Variants in PPP2CB observed in about 807,000 individuals in gnomAD.
The protein encoded by PPP2CB is protein phosphatase 2 catalytic subunit beta.
PPP2CB carries 18 observed loss-of-function variants against 39.1 expected under a neutral mutation model. The ratio of observed to expected loss-of-function variants is 0.46; its 90% CI spans 0.32 to 0.68. PPP2CB has a LOEUF of 0.68. Among genes scored for constraint, PPP2CB ranks in the 30% least tolerant of loss-of-function variants. The probability of loss-of-function intolerance (pLI) is 0.04; values close to 1 mark genes in which losing one functional copy is unlikely to be tolerated. For synonymous variants in PPP2CB, 129 were observed against 133.8 expected (o/e 0.96, Z 0.25); for missense variants, 226 against 396.9 (o/e 0.57, Z 3.66).
chr8:30,788,731 A>G (rs1392580318), intron 6 of PPP2CB, among the ~76,000 whole-genome samples: 1 of 152,346 alleles, frequency 6.6e-6, no homozygotes, highest in Non-Finnish European at 1.5e-5. Flanking sequence ...GTATACAGTC[A>G]GTTTACAGTG....
Position 30,802,258 on chromosome 8 carries a change from G to C in PPP2CB, c.103-2503C>G, listed in dbSNP as rs148125653. On this transcript the variant is annotated intron_variant, in intron 1 of 6. Transcript: ENST00000221138. ...TTTATACCCTTCAGTTTCTTTTCCT[G>C]AGATCACAAATTAAACAATAATTTT... 4.0e-4 allele frequency among the ~76,000 whole-genome samples: 61 copies of C among 152,100 alleles called. 2 individuals are homozygous for C. The highest frequency in any genetic ancestry group is 1.4e-3 in the African/African-American group (60 of 41,490).
chr8:30,793,221 C>G (rs1361694966), intron 5 of PPP2CB: 3 of 152,116 alleles, frequency 2.0e-5, no homozygotes, highest in Admixed American at 2.0e-4. Flanking sequence ...CAGGCAAACC[C>G]CAACTGAGGG....
chr8:30,793,855 G>T, intron 5 of PPP2CB, 62 bp downstream of exon 5: 1 of 1,472,426 alleles, frequency 6.8e-7, no homozygotes, highest in Non-Finnish European at 9.1e-7. Flanking sequence ...AAGTCATAAT[G>T]CCTTATTACA....
chr8:30,801,535 GA>G (rs5890535), intron 1 of PPP2CB, among the ~76,000 whole-genome samples: 39,346 of 129,566 alleles, frequency 0.3, 7,729 homozygotes, highest in African/African-American at 0.58. Flanking sequence ...CTCAGTCACA[GA>G]AAAAAAAAAA....
At chr8:30,793,772 CCCTACTTGCTAAAA>C in intron 5 of PPP2CB, 131 bp downstream of exon 5, 1 of 891,736 alleles carries the variant, frequency 1.1e-6, no homozygotes, top group Non-Finnish European at 1.6e-6. Context: ...CTAGTGCTTT[CCCTACTTGCTAAAA>C]CCAGCAAGTT....
In PPP2CB at chr8:30,799,760, T is replaced by G; in HGVS notation, c.103-5A>C. 1 of 1,611,450 alleles carries G rather than the reference T, an allele frequency of 6.2e-7. No homozygotes were observed. On this transcript the variant is annotated splice_region_variant and splice_polypyrimidine_tract_variant and intron_variant, in intron 1 of 6. Transcript: ENST00000221138. ...TTTTGTTAAAATTTCCTTTGCCTGTTAGAAAAGTGAAATCAACAATTACAA... is the reference window on the plus strand; with the variant it reads ...TTTTGTTAAAATTTCCTTTGCCTGTGAGAAAAGTGAAATCAACAATTACAA...
chr8:30,793,884 A>C (rs775431544), intron 5 of PPP2CB, 33 bp downstream of exon 5: 1 of 1,583,784 alleles, frequency 6.3e-7, no homozygotes, highest in East Asian at 2.2e-5. Context: ...TACTAATCTG[A>C]AATAAAGATC....
At position 30,799,555 on chromosome 8, in the gene PPP2CB, T is replaced by C. The variant is rs539742321; in HGVS notation, c.303A>G (p.Val101=). 1.9e-6 allele frequency: 3 copies of C among 1,610,236 alleles called. No individual in the cohort carries two copies. The highest frequency in any genetic ancestry group is 2.2e-5 in the South Asian group (2 of 90,286). ...ATTTCAATAATCATACCTTTAATGC[T>C]ACAAGAAGAGTCACAGTCTCCACTG... ...YYSVETVTLL[V]ALKVRYPERI... Residue 101 remains valine, a synonymous_variant, in exon 2 of 7, where the codon GTA becomes GTG. Coordinates refer to ENST00000221138, the MANE Select transcript of PPP2CB (RefSeq NM_001009552.2).
intron 1 of PPP2CB, among the ~76,000 whole-genome samples, chr8:30,806,079 CCT>C (rs1236577679): frequency 4.7e-5 from 7 of 149,336 alleles, no homozygotes; most frequent in African/African-American, 1.7e-4. Flanking sequence ...ATGGAGTCTC[CCT>C]CTGTCACCCA....
chr8:30,798,052 TTCA>T (rs1267729863), intron 2 of PPP2CB, among the ~76,000 whole-genome samples: 1 of 152,210 alleles, frequency 6.6e-6, no homozygotes, highest in African/African-American at 2.4e-5. Context: ...TTCTATTATC[TTCA>T]TCATCAAATT....
At chr8:30,791,563 T>C in intron 5 of PPP2CB, 1 of 306,780 alleles carries the variant, frequency 3.3e-6, no homozygotes, top group Non-Finnish European at 5.9e-6. Flanking sequence ...GCTTGAAATC[T>C]TGGCAAGGAT....
intron 3 of PPP2CB, among the ~76,000 whole-genome samples, chr8:30,797,130 A>C (rs896685595): frequency 2.0e-5 from 3 of 152,162 alleles, no homozygotes; most frequent in African/African-American, 7.2e-5. Flanking sequence ...CACTGTGCCC[A>C]GCCAAGCATT....
chr8:30,798,660 A>G (rs965553123), intron 2 of PPP2CB, among the ~76,000 whole-genome samples: 6 of 152,226 alleles, frequency 3.9e-5, no homozygotes, highest in African/African-American at 1.4e-4. Context: ...TAAGTGACCC[A>G]TGACCATGTA....
In PPP2CB at chr8:30,794,298, A is replaced by G. The variant is rs199895932; in HGVS notation, c.487-17T>C. On this transcript the variant is annotated splice_polypyrimidine_tract_variant and intron_variant, in intron 3 of 6. Transcript: ENST00000221138. ...GCAGAATATCTATGTATGAATTAAC[A>G]AAAGAGAATGTATTTGTTTTACTAA... is the stretch of plus-strand genomic sequence containing the variant. 4.7e-5 allele frequency: 74 copies of G among 1,582,676 alleles called. No individual in the cohort carries two copies. Among genetic ancestry groups the G allele is most frequent in the Non-Finnish European group, 6.2e-5 (71 of 1,153,162 alleles).
In PPP2CB at chr8:30,791,208, T is replaced by C; in HGVS notation, c.846A>G (p.Leu282=). The change falls in exon 6 of 7, where the codon TTA becomes TTG. Residue 282 remains leucine (L), a synonymous_variant. Transcript: ENST00000221138. ...QAAIMELDDT[L]KYSFLQFDPA... Reference sequence around the variant, plus strand: ...TTACAGTTACTCACAAGGAATATTTTAAAGTGTCATCTAATTCCATGATAG... The same window carrying C: ...TTACAGTTACTCACAAGGAATATTTCAAAGTGTCATCTAATTCCATGATAG... 6.3e-7 allele frequency: 1 copy of C among 1,599,758 alleles called. No homozygotes were observed. Among genetic ancestry groups the C allele is most frequent in the South Asian group, 1.1e-5 (1 of 88,122 alleles).
At chr8:30,798,725 ATAAG>A (rs1291277808) in intron 2 of PPP2CB, among the ~76,000 whole-genome samples, 2 of 152,248 alleles carry the variant, frequency 1.3e-5, no homozygotes, top group African/African-American at 4.8e-5. Flanking sequence ...ATGTAAAATA[ATAAG>A]TAATAGAAGG....
chr8:30,804,047 C>A (rs1204814657), intron 1 of PPP2CB, among the ~76,000 whole-genome samples: 1 of 152,018 alleles, frequency 6.6e-6, no homozygotes, highest in Non-Finnish European at 1.5e-5. Context: ...GGTCTCAAAC[C>A]CCTGACCTCG....
intron 5 of PPP2CB, chr8:30,793,180 T>C (rs1244130038): frequency 6.6e-6 from 1 of 152,168 alleles, no homozygotes; most frequent in East Asian, 1.9e-4. Context: ...CAAAAATGCA[T>C]ACATTGAATC....
chr8:30,789,173 G>A (rs1407397142), intron 6 of PPP2CB, among the ~76,000 whole-genome samples: 4 of 152,046 alleles, frequency 2.6e-5, no homozygotes, highest in African/African-American at 9.6e-5. Flanking sequence ...TGGGATTACA[G>A]GCATGCGCCA....
Sources: gnomAD v4.1 joint callset for allele counts (sites outside exome capture counted in the v4.1 genomes callset) on GRCh38, gnomAD v4.1.1 for gene constraint, MANE v1.5 for transcripts, NCBI Gene and HGNC (gene_info 2026-07-23, HGNC 2026-07-21) for gene names.